The following PCDH15 variants were observed in gnomAD, a reference collection of about 807,000 sequenced individuals.
The protein encoded by PCDH15 is protocadherin related 15.
PCDH15 carries 129 observed loss-of-function variants against 178.5 expected under a neutral mutation model. The observed-to-expected ratio is 0.72, with a 90% CI of 0.63 to 0.84. The LOEUF (loss-of-function observed/expected upper bound fraction) is 0.84, where lower values mean the gene tolerates loss of function less well. Among genes scored for constraint, PCDH15 ranks in the 40% least tolerant of loss-of-function variants. The pLI is 0.00. For synonymous variants in PCDH15, 800 were observed against 732.0 expected (o/e 1.09, Z -1.50); for missense variants, 2,230 against 2,099.9 (o/e 1.06, Z -1.21).
chr10:54,193,488 T>C (rs2049246218), intron 11 of PCDH15, among the ~76,000 whole-genome samples: 1 of 152,336 alleles, frequency 6.6e-6, no homozygotes, highest in Non-Finnish European at 1.5e-5. Context: ...ATGTATTCAA[T>C]TGAAAAGCAA....
intron 2 of PCDH15, among the ~76,000 whole-genome samples, chr10:54,537,890 T>C (rs895380412): frequency 3.9e-5 from 6 of 152,200 alleles, no homozygotes; most frequent in Non-Finnish European, 8.8e-5. Context: ...TTTTTTCATG[T>C]TTGTTGTCTG....
chr10:53,807,102 A>G lies in PCDH15; in HGVS notation c.4700T>C (p.Val1567Ala). The change falls in exon 38 of 38, where the codon GTT becomes GCT. Residue 1567 changes from valine to alanine, a missense_variant. Transcript: ENST00000644397. ...GCTGGTTTCATACTCTCGATCAACA[A>G]CTAACTTGATCATTCTTTTTCTTGC... ...EWARKRMIKL[V>A]VDREYETSST... The G allele has an allele frequency of 1.2e-6, 2 of 1,607,472 alleles. No homozygotes were observed. Among genetic ancestry groups the G allele is most frequent in the Non-Finnish European group, 1.7e-6 (2 of 1,177,120 alleles).
At chr10:55,084,999 T>C (rs2264764) in intron 2 of PCDH15, among the ~76,000 whole-genome samples, 69,192 of 151,796 alleles carry the variant, frequency 0.46, 19,662 homozygotes, top group African/African-American at 0.8. Flanking sequence ...AGTACAGCCA[T>C]TACAGAGAAC....
intron 3 of PCDH15, among the ~76,000 whole-genome samples, chr10:54,883,662 T>G (rs934018794): frequency 3.9e-5 from 6 of 151,984 alleles, no homozygotes; most frequent in Admixed American, 3.9e-4. Flanking sequence ...TTTTATGTGC[T>G]ATCAAACTTC....
intron 18 of PCDH15, among the ~76,000 whole-genome samples, chr10:54,056,699 T>C (rs12252125): frequency 0.21 from 31,705 of 152,016 alleles, 3,487 homozygotes; most frequent in Non-Finnish European, 0.23. Flanking sequence ...TGTCCTCACA[T>C]TTCAAAACCA....
At chr10:54,098,483 G>A (rs2094744280) in intron 15 of PCDH15, among the ~76,000 whole-genome samples, 1 of 152,076 alleles carries the variant, frequency 6.6e-6, no homozygotes, top group Non-Finnish European at 1.5e-5. Flanking sequence ...CTGGAATGAT[G>A]CTGAAAAGAT....
chr10:54,122,002 T>TACACACAC (rs57135050), intron 15 of PCDH15, among the ~76,000 whole-genome samples: 2 of 146,518 alleles, frequency 1.4e-5, no homozygotes, highest in Admixed American at 6.8e-5. Flanking sequence ...CAAAGACACA[T>TACACACAC]ACACACACAC....
intron 1 of PCDH15, among the ~76,000 whole-genome samples, chr10:54,787,225 C>T (rs1056996631): frequency 1.3e-5 from 2 of 150,792 alleles, no homozygotes; most frequent in Admixed American, 1.3e-4. Context: ...TAAATATAGG[C>T]CAACATTTAA....
At chr10:54,840,827 A>T (rs1264304272) in intron 3 of PCDH15, among the ~76,000 whole-genome samples, 1 of 151,848 alleles carries the variant, frequency 6.6e-6, no homozygotes, top group African/African-American at 2.4e-5. Context: ...CTGTCATGTG[A>T]CAAAGAAAAT....
At chr10:55,105,124 G>A (rs1422042397) in intron 2 of PCDH15, among the ~76,000 whole-genome samples, 1 of 152,198 alleles carries the variant, frequency 6.6e-6, no homozygotes, top group Non-Finnish European at 1.5e-5. Flanking sequence ...GGTATGGTCT[G>A]TAAGTGTTTG....
At chr10:55,254,571 C>G (rs893176861) in intron 1 of PCDH15, among the ~76,000 whole-genome samples, 2 of 152,094 alleles carry the variant, frequency 1.3e-5, no homozygotes, top group Non-Finnish European at 2.9e-5. Flanking sequence ...TTGGTCAAGA[C>G]AGGACATAGA....
At chr10:55,507,999 G>A (rs1840798836) in intron 2 of PCDH15, among the ~76,000 whole-genome samples, 3 of 151,636 alleles carry the variant, frequency 2.0e-5, no homozygotes, top group Non-Finnish European at 4.4e-5. Flanking sequence ...TGTAACTTGA[G>A]TGATTTTGAT....
intron 2 of PCDH15, among the ~76,000 whole-genome samples, chr10:54,638,787 A>C (rs540419048): frequency 4.6e-5 from 7 of 152,268 alleles, no homozygotes; most frequent in African/African-American, 1.7e-4. Flanking sequence ...AATCAATCTA[A>C]GTGTCCACCA....
At chr10:54,828,889 T>A (rs1329882180) in intron 3 of PCDH15, among the ~76,000 whole-genome samples, 1 of 151,982 alleles carries the variant, frequency 6.6e-6, no homozygotes, top group East Asian at 1.9e-4. Context: ...CTTTCTCAGA[T>A]GAGACTATTA....
intron 20 of PCDH15, among the ~76,000 whole-genome samples, chr10:53,999,471 G>T (rs1383147427): frequency 6.6e-6 from 1 of 151,982 alleles, no homozygotes; most frequent in Non-Finnish European, 1.5e-5. Context: ...TGCATAAAAA[G>T]TCATAAAAGG....
intron 18 of PCDH15, among the ~76,000 whole-genome samples, chr10:54,033,762 G>C (rs747720147): frequency 6.6e-6 from 1 of 151,922 alleles, no homozygotes; most frequent in Non-Finnish European, 1.5e-5. Context: ...TTTGTTTTCT[G>C]AATAACTATT....
intron 13 of PCDH15, among the ~76,000 whole-genome samples, chr10:54,163,701 G>A (rs1186168949): frequency 6.6e-6 from 1 of 152,114 alleles, no homozygotes; most frequent in Non-Finnish European, 1.5e-5. Context: ...ATCAAGTAGA[G>A]ATGGCTTTTA....
intron 3 of PCDH15, among the ~76,000 whole-genome samples, chr10:54,496,879 C>T (rs972267681): frequency 2.0e-5 from 3 of 152,240 alleles, no homozygotes; most frequent in Admixed American, 2.0e-4. Flanking sequence ...GTATCCATAA[C>T]TTTACCCGTT....
intron 3 of PCDH15, among the ~76,000 whole-genome samples, chr10:54,851,808 G>A (rs1953626981): frequency 6.6e-6 from 1 of 152,086 alleles, no homozygotes; most frequent in African/African-American, 2.4e-5. Context: ...GACCTCAAGT[G>A]TTCTGCCGGC....
Sources: allele counts gnomAD v4.1 joint callset (sites outside exome capture counted in the v4.1 genomes callset), GRCh38; gene constraint gnomAD v4.1.1; transcripts MANE v1.5; gene names NCBI Gene and HGNC (gene_info 2026-07-23, HGNC 2026-07-21).